MRPL1: variants seen among roughly 807,000 people sequenced by gnomAD.
MRPL1 encodes the protein mitochondrial ribosomal protein L1.
MRPL1 carries 28 observed loss-of-function variants against 38.0 expected under a neutral mutation model. The ratio of observed to expected loss-of-function variants is 0.74; its 90% CI spans 0.55 to 1.01. The LOEUF (loss-of-function observed/expected upper bound fraction) is 1.01, where lower values mean the gene tolerates loss of function less well. MRPL1 is among the 50% of genes least tolerant of loss of function. MRPL1 has a pLI of 0.00. For synonymous variants in MRPL1, 123 were observed against 126.7 expected (o/e 0.97, Z 0.20); for missense variants, 358 against 389.8 (o/e 0.92, Z 0.69).
At chr4:77,914,698 A>G (rs1326595667) in intron 7 of MRPL1, among the ~76,000 whole-genome samples, 1 of 146,370 alleles carries the variant, frequency 6.8e-6, no homozygotes, top group Non-Finnish European at 1.5e-5. Flanking sequence ...AAAATATTGA[A>G]GATGTGGTAT....
intron 6 of MRPL1, among the ~76,000 whole-genome samples, chr4:77,906,284 A>T (rs1189906010): frequency 6.6e-6 from 1 of 152,210 alleles, no homozygotes. Flanking sequence ...GAACACTGAG[A>T]AGTGACTACT....
intron 7 of MRPL1, among the ~76,000 whole-genome samples, chr4:77,933,467 G>C (rs1303861446): frequency 6.6e-6 from 1 of 152,178 alleles, no homozygotes; most frequent in Non-Finnish European, 1.5e-5. Context: ...AGATCAAGCA[G>C]AGTGTGGAAC....
chr4:77,914,743 T>C (rs147498807), intron 7 of MRPL1, among the ~76,000 whole-genome samples: 20 of 152,056 alleles, frequency 1.3e-4, no homozygotes, highest in African/African-American at 4.8e-4. Context: ...GTAGCCAATA[T>C]GTTATGACAA....
At chr4:77,936,384 T>A (rs1357512397) in intron 7 of MRPL1, among the ~76,000 whole-genome samples, 1 of 152,080 alleles carries the variant, frequency 6.6e-6, no homozygotes, top group Non-Finnish European at 1.5e-5. Context: ...ATCAGGATCC[T>A]ACAAAGCTTT....
chr4:77,894,961 C>T (rs1735881109), intron 6 of MRPL1, among the ~76,000 whole-genome samples: 1 of 151,930 alleles, frequency 6.6e-6, no homozygotes, highest in African/African-American at 2.4e-5. Flanking sequence ...AAATCATAGG[C>T]CAGGTACAAG....
At chr4:77,895,493 G>C (rs1000088843) in intron 6 of MRPL1, among the ~76,000 whole-genome samples, 1 of 152,098 alleles carries the variant, frequency 6.6e-6, no homozygotes, top group African/African-American at 2.4e-5. Flanking sequence ...TGCTGACACA[G>C]TTTGTTTTAG....
Position 77,909,284 on chromosome 4 carries a change from T to C in MRPL1, c.689T>C (p.Ile230Thr). The change falls in exon 7 of 9, where the codon ATC (isoleucine) becomes ACC (threonine). Residue 230 changes from isoleucine (I) to threonine (T), a missense_variant. Coordinates refer to ENST00000315567, the MANE Select transcript of MRPL1 (RefSeq NM_020236.4). ...TAACTAGATTCCATTGGCCGTGACA[T>C]CCCCAAAATGCTTGAATTATTTAAA... ...KLSRNSIGRDIPKMLELFKNG... is the reference protein window; with the variant it reads ...KLSRNSIGRDTPKMLELFKNG... 1 of 1,610,150 alleles carries C rather than the reference T, an allele frequency of 6.2e-7. No individual in the cohort carries two copies.
chr4:77,877,109 A>G (rs1236997615), intron 2 of MRPL1, among the ~76,000 whole-genome samples: 1 of 152,216 alleles, frequency 6.6e-6, no homozygotes, highest in Non-Finnish European at 1.5e-5. Flanking sequence ...CCTGTTGGCC[A>G]GTCTGGTCTC....
At chr4:77,905,681 CATCA>C (rs763955909) in intron 6 of MRPL1, among the ~76,000 whole-genome samples, 13 of 151,368 alleles carry the variant, frequency 8.6e-5, no homozygotes, top group Non-Finnish European at 1.2e-4. Context: ...AAATCTACAT[CATCA>C]ATCTATCACC....
chr4:77,871,604 A>G (rs910734319), intron 1 of MRPL1, 140 bp from the exon 2 acceptor site: 9 of 520,246 alleles, frequency 1.7e-5, no homozygotes, highest in African/African-American at 8.1e-5. Flanking sequence ...GTGCCTGGCT[A>G]TTATTACACT....
chr4:77,952,461 C>A, intron 8 of MRPL1, 28 bp from the exon 9 acceptor site: 2 of 1,501,132 alleles, frequency 1.3e-6, no homozygotes, highest in South Asian at 2.3e-5. Context: ...ATATAAAAAT[C>A]AAAGTTGATT....
chr4:77,891,909 A>G (rs1290821404), intron 5 of MRPL1, among the ~76,000 whole-genome samples: 1 of 152,202 alleles, frequency 6.6e-6, no homozygotes, highest in Non-Finnish European at 1.5e-5. Flanking sequence ...CATCTGTGTA[A>G]GGCATCATAG....
At chr4:77,874,479 T>G (rs973310650) in intron 2 of MRPL1, among the ~76,000 whole-genome samples, 6 of 152,158 alleles carry the variant, frequency 3.9e-5, no homozygotes, top group Non-Finnish European at 8.8e-5. Context: ...TGCATATAGA[T>G]CCTGTCAAAT....
At chr4:77,946,475 A>C (rs1012311924) in intron 7 of MRPL1, among the ~76,000 whole-genome samples, 4 of 152,234 alleles carry the variant, frequency 2.6e-5, no homozygotes, top group African/African-American at 9.6e-5. Flanking sequence ...TTAAGAGATT[A>C]AAGTAAGACA....
chr4:77,872,315 T>C (rs1735299979), intron 2 of MRPL1, among the ~76,000 whole-genome samples: 1 of 152,264 alleles, frequency 6.6e-6, no homozygotes. Context: ...AATTTCTTTC[T>C]GTCCTTTAAA....
chr4:77,909,105 C>G (rs1305142038), intron 6 of MRPL1, among the ~76,000 whole-genome samples, 161 bp from the exon 7 acceptor site: 1 of 125,450 alleles, frequency 8.0e-6, no homozygotes, highest in Non-Finnish European at 1.9e-5. Context: ...TTCATTCACA[C>G]TCAATGAATG....
rs1051127794 is a variant in MRPL1 at position 77,925,352 on chromosome 4, TG to T, written c.777+15981del. ...TAAGTACTTTTTTTTTTTTGTTTTT[TG>T]TTTTTTTTTCTTTTTTGAGACCTAG... On this transcript the variant is annotated intron_variant, in intron 7 of 8. Transcript: ENST00000315567. Among the ~76,000 whole-genome samples, 5 of 151,616 alleles carry T rather than the reference TG, an allele frequency of 3.3e-5. No individual in the cohort carries two copies. The South Asian group carries it at 8.3e-4, about 25-fold the overall frequency.
intron 2 of MRPL1, among the ~76,000 whole-genome samples, chr4:77,874,898 C>T (rs569205085): frequency 6.6e-6 from 1 of 151,460 alleles, no homozygotes; most frequent in African/African-American, 2.4e-5. Flanking sequence ...TCTCCTGCCT[C>T]AGCCTCCCGA....
At chr4:77,881,716 C>T (rs1735547029) in intron 2 of MRPL1, among the ~76,000 whole-genome samples, 1 of 152,180 alleles carries the variant, frequency 6.6e-6, no homozygotes, top group Admixed American at 6.5e-5. Flanking sequence ...GCTGGAATTG[C>T]AGGCGTGAGC....
Sources: gnomAD v4.1 joint callset for allele counts (sites outside exome capture counted in the v4.1 genomes callset) on GRCh38, gnomAD v4.1.1 for gene constraint, MANE v1.5 for transcripts, NCBI Gene and HGNC (gene_info 2026-07-23, HGNC 2026-07-21) for gene names.